The following DNAH5 variants were observed in gnomAD, a reference collection of about 807,000 sequenced individuals.
DNAH5 encodes the protein dynein axonemal heavy chain 5, also known as axonemal beta dynein heavy chain 5.
In DNAH5, 372 loss-of-function variants were observed where a neutral mutation model predicts 518.2. The ratio of observed to expected loss-of-function variants is 0.72; its 90% CI spans 0.66 to 0.78. The LOEUF is 0.78. Among genes scored for constraint, DNAH5 ranks in the 30% least tolerant of loss-of-function variants. The pLI is 0.00. For synonymous variants in DNAH5, 2,039 were observed against 2,025.9 expected, an observed-to-expected ratio of 1.01 and a Z score of -0.17; for missense variants, 5,523 against 5,687.0, an observed-to-expected ratio of 0.97 and a Z score of 0.93.
intron 47 of DNAH5, among the ~76,000 whole-genome samples, chr5:13,796,540 G>A (rs977741915): frequency 1.1e-4 from 16 of 152,020 alleles, no homozygotes; most frequent in Non-Finnish European, 1.9e-4. Context: ...ACTGCGCCAC[G>A]AAATAAAAGA....
At chr5:13,945,789 A>G (rs983981023), upstream of DNAH5, among the ~76,000 whole-genome samples, 10 of 152,028 alleles carry the variant, frequency 6.6e-5, no homozygotes, top group Non-Finnish European at 1.2e-4. Flanking sequence ...TATTTTTTGT[A>G]GAAACAGGTT....
chr5:13,752,062 T>C lies in DNAH5; in HGVS notation c.11028+72A>G. The C allele has an allele frequency of 3.3e-6, 5 of 1,521,442 alleles. No homozygotes were observed. The South Asian group carries it at 5.6e-5, about 17-fold the overall frequency. 94.2% of individuals were successfully genotyped at this position (1,521,442 alleles called of 1,614,324 possible). A position where few individuals can be genotyped will look rare whatever the true frequency, so the allele number is the denominator to read the frequency against. On this transcript the variant is annotated intron_variant, in intron 64 of 78. Coordinates refer to ENST00000265104, the MANE Select transcript of DNAH5 (RefSeq NM_001369.3). ...TTTAAGTTGTTGCCTATTGAGAGAA[T>C]TCTATCTGTGTCACATTGACCTGGC...
rs1259929811 is a variant in DNAH5, at chr5:13,841,052, T to C, written c.5563A>G (p.Ile1855Val). 3.7e-6 allele frequency: 6 copies of C among 1,613,966 alleles called. No homozygotes were observed. The highest frequency in any genetic ancestry group is 3.3e-5 in the Admixed American group (2 of 59,992). Residue 1855 changes from isoleucine to valine, a missense_variant, in exon 34 of 79, where the codon ATC becomes GTC. Around this residue, in one of 3 missense-constraint regions of DNAH5, gnomAD observed 5,121 missense variants for 5,223.3 expected, o/e 0.98. Coordinates refer to ENST00000265104, the MANE Select transcript of DNAH5 (RefSeq NM_001369.3). ...AAAGCCTGATTAGTTTTCTGCATGA[T>C]TTTTTTATCAAACTTGGCATTTCTA... Reference protein sequence around the residue: ...ALRNAKFDKKIMQKTNQAFLE... With the variant: ...ALRNAKFDKKVMQKTNQAFLE...
chr5:13,838,078 T>C (rs184617903), intron 35 of DNAH5, among the ~76,000 whole-genome samples: 209 of 152,316 alleles, frequency 1.4e-3, no homozygotes, highest in South Asian at 7.1e-3. Flanking sequence ...TGTGATGTTA[T>C]GTTATATGAA....
chr5:13,967,915 AT>A (rs1416318012), intron 1 of DNAH5, among the ~76,000 whole-genome samples: 2 of 151,946 alleles, frequency 1.3e-5, no homozygotes, highest in Admixed American at 6.6e-5. Context: ...CCACACGGTC[AT>A]TTTCACAATA....
intron 60 of DNAH5, among the ~76,000 whole-genome samples, chr5:13,761,052 G>A (rs572929790): frequency 5.9e-5 from 9 of 152,306 alleles, no homozygotes; most frequent in Admixed American, 3.9e-4. Flanking sequence ...AGCACAGGTT[G>A]TAGGAGTAAA....
chr5:13,765,484 CTTGG>C (rs1189449548), intron 59 of DNAH5, among the ~76,000 whole-genome samples: 1 of 152,116 alleles, frequency 6.6e-6, no homozygotes, highest in African/African-American at 2.4e-5. Flanking sequence ...AAGTTATTGA[CTTGG>C]TTGGGGCACA....
chr5:13,832,835 T>C (rs1763849921), intron 35 of DNAH5, among the ~76,000 whole-genome samples: 1 of 152,184 alleles, frequency 6.6e-6, no homozygotes, highest in South Asian at 2.1e-4. Flanking sequence ...TGATGCCAAA[T>C]GAAAAGCAAC....
chr5:13,788,719 C>A lies in DNAH5; in HGVS notation c.8644G>T (p.Ala2882Ser). Residue 2882 changes from alanine to serine, a missense_variant, in exon 51 of 79, where the codon GCA becomes TCA. Physicochemically the swap from Ala to Ser is moderately conservative, Grantham distance 99. Coordinates refer to ENST00000265104, the MANE Select transcript of DNAH5 (RefSeq NM_001369.3). ...VDFLRDAPEA[A>S]GETSEEADAE... ...AAATTCCACTTCAATAGTTTACCTGCAGCTTCAGGTGCATCTCTCAAGAAA... is the reference window on the plus strand; with the variant it reads ...AAATTCCACTTCAATAGTTTACCTGAAGCTTCAGGTGCATCTCTCAAGAAA... 6.2e-7 allele frequency: 1 copy of A among 1,613,358 alleles called. No homozygotes were observed. The highest frequency in any genetic ancestry group is 8.5e-7 in the Non-Finnish European group (1 of 1,179,330).
Position 13,753,316 on chromosome 5 carries a change from C to T in DNAH5, c.10789G>A (p.Ala3597Thr). 1.9e-6 allele frequency: 3 copies of T among 1,613,730 alleles called. No individual in the cohort carries two copies. The highest frequency in any genetic ancestry group is 1.7e-5 in the Admixed American group (1 of 60,020). ...TCAATTAACAAAGGGTAACGAGATG[C>T]CTTCGTGACAATAATTCCATTTTGA... ...SIQNGIIVTK[A>T]SRYPLLIDPQ... is the part of the protein sequence containing the mutation. The change falls in exon 63 of 79, where the codon GCA becomes ACA. Residue 3597 changes from alanine to threonine, a missense_variant. By Grantham distance (58) the Ala-to-Thr change is moderately conservative. Transcript: ENST00000265104.
At chr5:13,955,932 G>A (rs1780735891) in intron 1 of DNAH5, among the ~76,000 whole-genome samples, 1 of 152,138 alleles carries the variant, frequency 6.6e-6, no homozygotes, top group African/African-American at 2.4e-5. Flanking sequence ...AGCAAGACAT[G>A]AGGGGAGGGA....
intron 70 of DNAH5, among the ~76,000 whole-genome samples, chr5:13,721,639 G>A (rs977533357): frequency 6.6e-6 from 1 of 152,122 alleles, no homozygotes; most frequent in Non-Finnish European, 1.5e-5. Flanking sequence ...AATGTAATGG[G>A]TACTGATTAA....
chr5:13,980,350 G>A (rs939849894), intron 1 of DNAH5, among the ~76,000 whole-genome samples: 26 of 152,054 alleles, frequency 1.7e-4, no homozygotes, highest in East Asian at 3.9e-4. Flanking sequence ...AACCCTGAAC[G>A]TTCCTCCAAC....
chr5:13,853,625 T>A (rs543220696), intron 30 of DNAH5, among the ~76,000 whole-genome samples: 1 of 152,022 alleles, frequency 6.6e-6, no homozygotes, highest in South Asian at 2.1e-4. Context: ...AGAACCTTGA[T>A]AAAAGGTTAG....
Position 13,735,332 on chromosome 5 carries a change from G to A in DNAH5, c.11571-11C>T, listed in dbSNP as rs748465127. ...GGGCTCTTGACAGACCTGGTGAATA[G>A]AATATTTAAATCAGGCTTATCCCAC... On this transcript the variant is annotated splice_polypyrimidine_tract_variant and intron_variant, in intron 67 of 78. Coordinates refer to ENST00000265104, the MANE Select transcript of DNAH5 (RefSeq NM_001369.3). 2 of 1,613,022 alleles carry A rather than the reference G, an allele frequency of 1.2e-6. No individual in the cohort carries two copies. The highest frequency in any genetic ancestry group is 1.7e-5 in the Admixed American group (1 of 59,976).
intron 2 of DNAH5, among the ~76,000 whole-genome samples, chr5:13,929,281 T>C (rs183114920): frequency 2.0e-5 from 3 of 152,312 alleles, no homozygotes; most frequent in East Asian, 1.9e-4. Context: ...ACCTATGGAA[T>C]AGTCCAATTC....
chr5:13,871,717 G>A lies in DNAH5; in HGVS notation c.3445C>T (p.Gln1149Ter). The A allele has an allele frequency of 6.2e-7, 1 of 1,613,620 alleles. No homozygotes were observed. Among genetic ancestry groups the A allele is most frequent in the East Asian group, 2.2e-5 (1 of 44,858 alleles). ...TTAATGGCTTCTTCTTTTCCCTTTT[G>A]CCAAATGTGATTGTAGCGTTTGAAG... is the stretch of plus-strand genomic sequence containing the variant. ...DCFKRYNHIWQKGKEEAIKTF... is the reference protein window; with the variant it reads ...DCFKRYNHIW The change falls in exon 23 of 79, where the codon CAA becomes TAA. Residue 1149 changes from glutamine (Q) to a stop codon, truncating the protein, a stop_gained. Transcript: ENST00000265104. LOFTEE classifies it high-confidence loss of function.
intron 1 of DNAH5, among the ~76,000 whole-genome samples, chr5:14,009,477 T>C (rs1784968372): frequency 6.6e-6 from 1 of 152,212 alleles, no homozygotes. Flanking sequence ...TTCTATTTGC[T>C]TGAGTGTCTA....
At chr5:14,005,476 A>C (rs1284926953) in intron 1 of DNAH5, among the ~76,000 whole-genome samples, 1 of 152,144 alleles carries the variant, frequency 6.6e-6, no homozygotes, top group Non-Finnish European at 1.5e-5. Flanking sequence ...TGAGCCAACA[A>C]CACACTTAAC....
Sources: allele counts gnomAD v4.1 joint callset (sites outside exome capture counted in the v4.1 genomes callset), GRCh38; gene constraint gnomAD v4.1.1; regional missense constraint gnomAD v4.1.1; transcripts MANE v1.5; gene names NCBI Gene and HGNC (gene_info 2026-07-23, HGNC 2026-07-21).